HDAC4: variants seen among roughly 807,000 people sequenced by gnomAD.
HDAC4 encodes the protein histone deacetylase 4, also known as histone deacetylase A.
A neutral mutation model predicts 135.1 loss-of-function variants in HDAC4; 16 were observed. The observed-to-expected ratio is 0.12, with a 90% CI of 0.08 to 0.18. HDAC4 has a LOEUF of 0.18. Ranked by LOEUF, HDAC4 falls within the 10% of genes least tolerant of loss-of-function variation. The pLI, the probability that HDAC4 is intolerant of heterozygous loss-of-function variation, is 1.00. For synonymous variants in HDAC4, 685 were observed against 653.4 expected (o/e 1.05, Z -0.74); for missense variants, 1,143 against 1,511.8 (o/e 0.76, Z 4.05).
At chr2:239,339,500 T>C (rs1692160930) in intron 2 of HDAC4, among the ~76,000 whole-genome samples, 1 of 152,174 alleles carries the variant, frequency 6.6e-6, no homozygotes. Flanking sequence ...GATCTGGACA[T>C]GGGTGAGGAG....
At chr2:239,401,051 C>T (rs1198192427), upstream of HDAC4, 2 of 152,330 alleles carry the variant, frequency 1.3e-5, no homozygotes, top group Middle Eastern at 3.2e-3. Context: ...GCCCGTCAGC[C>T]GGCCCGGCCC....
chr2:239,317,205 T>C (rs1330538762), intron 2 of HDAC4, among the ~76,000 whole-genome samples: 2 of 152,152 alleles, frequency 1.3e-5, no homozygotes, highest in African/African-American at 4.8e-5. Context: ...TTCTGAGAGC[T>C]CCACGTCTCC....
At chr2:239,175,703 T>C (rs535340244) in intron 5 of HDAC4, among the ~76,000 whole-genome samples, 5 of 152,284 alleles carry the variant, frequency 3.3e-5, no homozygotes, top group East Asian at 3.9e-4. Flanking sequence ...ACTTATAAAA[T>C]GCTCCCGAAA....
rs1293549248 is a variant in HDAC4, at chr2:239,262,128, G to A, written c.23-25464C>T. Among the ~76,000 whole-genome samples the A allele has an allele frequency of 2.0e-5, 3 of 152,176 alleles. No individual in the cohort carries two copies. Among genetic ancestry groups the A allele is most frequent in the Non-Finnish European group, 4.4e-5 (3 of 68,032 alleles). ...CCAGCGCCGCCTGCAGTGACGCCGG[G>A]CCACGCTCACCCCAAGGCCCAAGAA... On this transcript the variant is annotated intron_variant, in intron 2 of 26. Coordinates refer to ENST00000543185, the MANE Select transcript of HDAC4 (RefSeq NM_001378414.1). The surrounding 1 kb of genome is among the most constrained non-coding windows in gnomAD (Gnocchi z 4.1).
chr2:239,065,673 C>A (rs78353410), intron 24 of HDAC4, among the ~76,000 whole-genome samples: 2 of 152,242 alleles, frequency 1.3e-5, no homozygotes, highest in Non-Finnish European at 2.9e-5. Flanking sequence ...ACCCTGCCCC[C>A]TGGCAAGGCC....
At chr2:239,210,992 T>A (rs772320010) in intron 3 of HDAC4, among the ~76,000 whole-genome samples, 2 of 152,170 alleles carry the variant, frequency 1.3e-5, no homozygotes, top group African/African-American at 2.4e-5. Context: ...CCTTTACACA[T>A]GCCATCCTAA....
intron 2 of HDAC4, among the ~76,000 whole-genome samples, chr2:239,350,512 CT>C (rs200638183): frequency 9.4e-5 from 14 of 149,278 alleles, no homozygotes; most frequent in East Asian, 7.8e-4. Flanking sequence ...AATGAGAGAA[CT>C]TTTTTTTTTG....
intron 20 of HDAC4, among the ~76,000 whole-genome samples, chr2:239,083,176 C>T (rs139637322): frequency 3.4e-4 from 52 of 152,194 alleles, no homozygotes; most frequent in African/African-American, 1.2e-3. Flanking sequence ...CAGCTCAGCG[C>T]GCAGGGAGCA....
intron 1 of HDAC4, among the ~76,000 whole-genome samples, chr2:239,394,444 C>T (rs79459707): frequency 2.6e-5 from 4 of 152,224 alleles, no homozygotes; most frequent in East Asian, 3.8e-4. Context: ...CCTCCTCACA[C>T]GCCGGGGCCC....
chr2:239,362,561 G>A (rs1257844113), intron 1 of HDAC4, among the ~76,000 whole-genome samples: 8 of 152,226 alleles, frequency 5.3e-5, no homozygotes, highest in East Asian at 3.9e-4. Context: ...CCCATTTCAC[G>A]GGCAGTGACT....
intron 11 of HDAC4, among the ~76,000 whole-genome samples, chr2:239,131,938 C>T (rs144196558): frequency 1.6e-4 from 24 of 152,288 alleles, no homozygotes; most frequent in African/African-American, 5.3e-4. Flanking sequence ...CCGGTGGATA[C>T]AGGAGGACAG....
At chr2:239,094,541 A>T (rs1298951538) in intron 17 of HDAC4, 1 of 1,060,346 alleles carries the variant, frequency 9.4e-7, no homozygotes, top group South Asian at 3.1e-5. Context: ...CACAGAAGCC[A>T]GCACAGCCCA....
At chr2:239,398,305 G>A (rs1307660907) in intron 1 of HDAC4, among the ~76,000 whole-genome samples, 1 of 152,266 alleles carries the variant, frequency 6.6e-6, no homozygotes, top group Middle Eastern at 3.4e-3. Flanking sequence ...CTTCTGCTCC[G>A]GCAATTAAGA....
At chr2:239,261,378 T>TGGA (rs2049356473) in intron 2 of HDAC4, among the ~76,000 whole-genome samples, 1 of 152,200 alleles carries the variant, frequency 6.6e-6, no homozygotes, top group Non-Finnish European at 1.5e-5. Flanking sequence ...AGCTGCCGTG[T>TGGA]GCTGAGATGG....
intron 1 of HDAC4, among the ~76,000 whole-genome samples, chr2:239,369,323 C>T (rs1475237545): frequency 6.6e-6 from 1 of 152,124 alleles, no homozygotes; most frequent in Non-Finnish European, 1.5e-5. Flanking sequence ...GGTTGGAGCT[C>T]ACACCTGCTG....
Position 239,220,607 on chromosome 2 carries a change from T to C in HDAC4, c.94+15986A>G, listed in dbSNP as rs148465657. Among the ~76,000 whole-genome samples, 10 of 152,232 alleles carry C rather than the reference T, an allele frequency of 6.6e-5. No individual in the cohort carries two copies. The East Asian group carries it at 1.5e-3, about 24-fold the overall frequency. On this transcript the variant is annotated intron_variant, in intron 3 of 26. Coordinates refer to ENST00000543185, the MANE Select transcript of HDAC4 (RefSeq NM_001378414.1). ...GGTCAGCGGCCTTTCATCATGAAAA[T>C]CTTCAACGACACACAGAGTTAGCGA... is the stretch of plus-strand genomic sequence containing the variant.
At chr2:239,356,702 T>C (rs888902917) in intron 1 of HDAC4, among the ~76,000 whole-genome samples, 1 of 152,102 alleles carries the variant, frequency 6.6e-6, no homozygotes, top group Admixed American at 6.5e-5. Context: ...GTTCATCAAG[T>C]GGGCACACAG....
At chr2:239,104,952 G>A (rs1034497379) in intron 15 of HDAC4, among the ~76,000 whole-genome samples, 16 of 152,250 alleles carry the variant, frequency 1.1e-4, no homozygotes, top group Non-Finnish European at 5.9e-5. Context: ...GCGACACCGC[G>A]ACGGCTGGGG....
chr2:239,290,713 C>T (rs1387620894), intron 2 of HDAC4, among the ~76,000 whole-genome samples: 2 of 151,962 alleles, frequency 1.3e-5, no homozygotes, highest in African/African-American at 2.4e-5. Flanking sequence ...CGCACACACT[C>T]ACATACGCAC....
Sources: allele counts gnomAD v4.1 joint callset (sites outside exome capture counted in the v4.1 genomes callset), GRCh38; gene constraint gnomAD v4.1.1; non-coding constraint Gnocchi (gnomAD v3.1); transcripts MANE v1.5; gene names NCBI Gene and HGNC (gene_info 2026-07-23, HGNC 2026-07-21).